SYN3: variants seen among roughly 807,000 people sequenced by gnomAD.
SYN3 encodes the protein synapsin-3.
In SYN3, 35 loss-of-function variants were observed where a neutral mutation model predicts 65.8. The ratio of observed to expected loss-of-function variants is 0.53; its 90% CI spans 0.41 to 0.70. The LOEUF (loss-of-function observed/expected upper bound fraction) is 0.70, where lower values mean the gene tolerates loss of function less well. Among genes scored for constraint, SYN3 ranks in the 30% least tolerant of loss-of-function variants. The pLI, the probability that SYN3 is intolerant of heterozygous loss-of-function variation, is 0.00. For missense variants in SYN3, 680 were observed against 749.0 expected (o/e 0.91, Z 1.08); for synonymous variants, 270 against 292.9 (o/e 0.92, Z 0.80).
intron 7 of SYN3, among the ~76,000 whole-genome samples, chr22:32,554,245 T>C (rs946489198): frequency 6.6e-6 from 1 of 152,120 alleles, no homozygotes; most frequent in African/African-American, 2.4e-5. Flanking sequence ...TTCCTGAATA[T>C]TGTCTGTGGC....
At chr22:32,913,023 T>C (rs560485524) in intron 4 of SYN3, among the ~76,000 whole-genome samples, 2 of 150,302 alleles carry the variant, frequency 1.3e-5, no homozygotes, top group Non-Finnish European at 3.0e-5. Flanking sequence ...TGAGGTTCGA[T>C]TATAAAAACT....
At chr22:32,627,648 T>C (rs914487000) in intron 6 of SYN3, among the ~76,000 whole-genome samples, 4 of 151,980 alleles carry the variant, frequency 2.6e-5, no homozygotes, top group African/African-American at 9.7e-5. Flanking sequence ...CTTTCATGCA[T>C]AGACATCCAG....
rs566683387 is a variant in SYN3 at position 33,008,093 on chromosome 22, C to T, written c.-162-1269G>A. ...CTGGGATTACAGGCACCCACCACCA[C>T]GCCCACCTAATTATTGTATTTTTAG... On this transcript the variant is annotated intron_variant, in intron 1 of 13. Coordinates refer to ENST00000358763, the MANE Select transcript of SYN3 (RefSeq NM_003490.4). 1.1e-4 allele frequency among the ~76,000 whole-genome samples: 17 copies of T among 152,230 alleles called. No individual in the cohort carries two copies. The East Asian group carries it at 2.7e-3, about 24-fold the overall frequency.
At chr22:32,603,284 G>A (rs1027624271) in intron 6 of SYN3, among the ~76,000 whole-genome samples, 17 of 151,552 alleles carry the variant, frequency 1.1e-4, no homozygotes, top group African/African-American at 3.9e-4. Flanking sequence ...AGGCCAAGGC[G>A]GGCGGATCAC....
At chr22:32,948,003 G>T (rs542134959) in intron 3 of SYN3, among the ~76,000 whole-genome samples, 1 of 152,170 alleles carries the variant, frequency 6.6e-6, no homozygotes, top group African/African-American at 2.4e-5. Flanking sequence ...CTCGTTTCCT[G>T]GGAGAGACTC....
At chr22:32,546,920 C>T (rs1464611413) in intron 7 of SYN3, among the ~76,000 whole-genome samples, 4 of 126,220 alleles carry the variant, frequency 3.2e-5, no homozygotes, top group Non-Finnish European at 6.5e-5. Flanking sequence ...CTCACTCTCT[C>T]CTCCCTCCCT....
In SYN3 at chr22:32,513,841, A is replaced by G; in HGVS notation, c.1611-17T>C. 14 of 1,613,964 alleles carry G rather than the reference A, an allele frequency of 8.7e-6. No homozygotes were observed. Among genetic ancestry groups the G allele is most frequent in the Non-Finnish European group, 1.2e-5 (14 of 1,179,926 alleles). ...TGAGATTTGCTGAAACAGAAAGGCAAGGGGGTTGAGGAAGACAAGGCGAAG... is the reference window on the plus strand; with the variant it reads ...TGAGATTTGCTGAAACAGAAAGGCAGGGGGGTTGAGGAAGACAAGGCGAAG... On this transcript the variant is annotated splice_polypyrimidine_tract_variant and intron_variant, in intron 13 of 13. Transcript: ENST00000358763.
intron 4 of SYN3, among the ~76,000 whole-genome samples, chr22:32,913,671 G>A (rs904713086): frequency 4.6e-5 from 7 of 152,122 alleles, no homozygotes; most frequent in Non-Finnish European, 1.0e-4. Context: ...CACAGTGTGT[G>A]GGGAAATGCC....
At position 32,748,391 on chromosome 22, in the gene SYN3, G is replaced by A. The variant is rs147124935; in HGVS notation, c.711+116524C>T. 7.6e-3 allele frequency among the ~76,000 whole-genome samples: 1,160 copies of A among 152,238 alleles called. 19 individuals carry two copies. Among genetic ancestry groups the A allele is most frequent in the African/African-American group, 0.026 (1,100 of 41,526 alleles). ...AGACAGCAACCTCTCTGAGCTTCAGGTTCCTCATCAATAAAACAAGGTTGA... is the reference window on the plus strand; with the variant it reads ...AGACAGCAACCTCTCTGAGCTTCAGATTCCTCATCAATAAAACAAGGTTGA... On this transcript the variant is annotated intron_variant, in intron 6 of 13. Coordinates refer to ENST00000358763, the MANE Select transcript of SYN3 (RefSeq NM_003490.4).
At chr22:32,784,378 G>A (rs774039384) in intron 6 of SYN3, among the ~76,000 whole-genome samples, 7 of 152,218 alleles carry the variant, frequency 4.6e-5, no homozygotes, top group African/African-American at 9.6e-5. Flanking sequence ...GCAGGTTGCC[G>A]CATGGTGAGC....
intron 6 of SYN3, among the ~76,000 whole-genome samples, chr22:32,739,153 G>C (rs2061369756): frequency 6.6e-6 from 1 of 150,590 alleles, no homozygotes; most frequent in Non-Finnish European, 1.5e-5. Flanking sequence ...GAAGAGACCT[G>C]GTGGGAGATA....
chr22:33,021,708 G>T (rs541483287), intron 1 of SYN3, among the ~76,000 whole-genome samples: 3 of 151,852 alleles, frequency 2.0e-5, no homozygotes, highest in Non-Finnish European at 2.9e-5. Flanking sequence ...GACTGCCACT[G>T]TCTGGTACTT....
At chr22:32,954,004 T>C (rs2051368412) in intron 3 of SYN3, among the ~76,000 whole-genome samples, 1 of 152,164 alleles carries the variant, frequency 6.6e-6, no homozygotes, top group Non-Finnish European at 1.5e-5. Context: ...GGTGGGGTTC[T>C]GGTGACTGGA....
intron 2 of SYN3, among the ~76,000 whole-genome samples, chr22:32,998,703 A>AT (rs1435446589): frequency 8.2e-6 from 1 of 122,318 alleles, no homozygotes; most frequent in Admixed American, 9.8e-5. Context: ...TGTCTTTTTT[A>AT]TTTTTTGGGT....
intron 6 of SYN3, among the ~76,000 whole-genome samples, chr22:32,805,941 G>T (rs2046722589): frequency 6.6e-6 from 1 of 151,836 alleles, no homozygotes; most frequent in South Asian, 2.1e-4. Context: ...TTTAGGGAGG[G>T]AGAGCTTATT....
At chr22:32,857,444 T>G in intron 6 of SYN3, 1 of 1,013,716 alleles carries the variant, frequency 9.9e-7, no homozygotes, top group South Asian at 1.3e-5. Context: ...ACGGAGTAGT[T>G]GACTCACCAA....
intron 6 of SYN3, among the ~76,000 whole-genome samples, chr22:32,637,507 G>A (rs1017369528): frequency 3.3e-5 from 5 of 152,048 alleles, no homozygotes; most frequent in Admixed American, 3.3e-4. Flanking sequence ...AGATTCAAGG[G>A]GCACATGTGC....
At chr22:32,928,224 G>C (rs1156964665) in intron 4 of SYN3, among the ~76,000 whole-genome samples, 1 of 152,156 alleles carries the variant, frequency 6.6e-6, no homozygotes, top group Non-Finnish European at 1.5e-5. Flanking sequence ...CAGCTACTTG[G>C]GAGGCTGGGG....
chr22:33,009,198 T>C (rs2053284855), intron 1 of SYN3, among the ~76,000 whole-genome samples: 1 of 152,122 alleles, frequency 6.6e-6, no homozygotes, highest in Admixed American at 6.5e-5. Flanking sequence ...AATAAGAAAC[T>C]GTCAAAAAGT....
Sources: gnomAD v4.1 joint callset for allele counts (sites outside exome capture counted in the v4.1 genomes callset) on GRCh38, gnomAD v4.1.1 for gene constraint, MANE v1.5 for transcripts, NCBI Gene and HGNC (gene_info 2026-07-23, HGNC 2026-07-21) for gene names.